MCC: variants seen among roughly 807,000 people sequenced by gnomAD.
The protein encoded by MCC is colorectal mutant cancer protein.
In MCC, 90 loss-of-function variants were observed where a neutral mutation model predicts 116.2. The ratio of observed to expected loss-of-function variants is 0.77; its 90% CI spans 0.65 to 0.92. The LOEUF (loss-of-function observed/expected upper bound fraction) is 0.92. MCC is among the 40% of genes least tolerant of loss of function. The pLI is 0.00. For synonymous variants in MCC, 578 were observed against 510.5 expected (o/e 1.13, Z -1.78); for missense variants, 1,516 against 1,312.2 (o/e 1.16, Z -2.40).
intron 3 of MCC, among the ~76,000 whole-genome samples, chr5:113,198,954 A>G (rs1299939218): frequency 6.6e-6 from 1 of 152,056 alleles, no homozygotes; most frequent in Non-Finnish European, 1.5e-5. Flanking sequence ...TAATCTCAGC[A>G]CTTTGGGAGG....
chr5:113,408,388 C>T (rs1464453576), intron 1 of MCC, among the ~76,000 whole-genome samples: 3 of 152,072 alleles, frequency 2.0e-5, no homozygotes, highest in Admixed American at 1.3e-4. Flanking sequence ...GGATCAAATA[C>T]GAGATCTTTT....
chr5:113,031,694 C>G (rs1160730397), intron 17 of MCC, among the ~76,000 whole-genome samples: 1 of 152,158 alleles, frequency 6.6e-6, no homozygotes, highest in Non-Finnish European at 1.5e-5. Flanking sequence ...CTCCCCCACT[C>G]CTATCCACAC....
intron 3 of MCC, among the ~76,000 whole-genome samples, chr5:113,257,115 T>C (rs1765037423): frequency 6.6e-6 from 1 of 152,102 alleles, no homozygotes; most frequent in African/African-American, 2.4e-5. Context: ...TAGCAGAAGT[T>C]TGTGGTATTG....
intron 3 of MCC, among the ~76,000 whole-genome samples, chr5:113,256,038 T>C (rs183240001): frequency 6.6e-6 from 1 of 152,328 alleles, no homozygotes; most frequent in East Asian, 1.9e-4. Flanking sequence ...CAAAATAATA[T>C]TTGCTTTGAA....
chr5:113,412,317 T>C (rs1168275591), intron 1 of MCC, among the ~76,000 whole-genome samples: 1 of 152,194 alleles, frequency 6.6e-6, no homozygotes, highest in Non-Finnish European at 1.5e-5. Context: ...AGAAAGTCAT[T>C]GGTAGCTTGA....
At chr5:113,123,692 T>G (rs1469191688) in intron 5 of MCC, among the ~76,000 whole-genome samples, 2 of 152,132 alleles carry the variant, frequency 1.3e-5, no homozygotes, top group Admixed American at 1.3e-4. Flanking sequence ...TCACCACACA[T>G]ACACTGGACA....
At chr5:113,313,001 A>G (rs964065972) in intron 3 of MCC, among the ~76,000 whole-genome samples, 1 of 152,264 alleles carries the variant, frequency 6.6e-6, no homozygotes, top group African/African-American at 2.4e-5. Context: ...GAGACACACA[A>G]AAAACAGACT....
chr5:113,256,366 T>C (rs1024792835), intron 3 of MCC, among the ~76,000 whole-genome samples: 1 of 152,042 alleles, frequency 6.6e-6, no homozygotes, highest in Non-Finnish European at 1.5e-5. Flanking sequence ...AAAAAGAAAA[T>C]ACCTGCCCTC....
intron 3 of MCC, among the ~76,000 whole-genome samples, chr5:113,326,283 T>C (rs906218527): frequency 2.6e-5 from 4 of 152,198 alleles, no homozygotes; most frequent in Non-Finnish European, 5.9e-5. Context: ...ATACTATTTA[T>C]GTATCATTTG....
intron 16 of MCC, among the ~76,000 whole-genome samples, chr5:113,047,190 C>T (rs1193892762): frequency 6.6e-6 from 1 of 152,208 alleles, no homozygotes; most frequent in Non-Finnish European, 1.5e-5. Flanking sequence ...AATTCAGCCT[C>T]GCACTGGGGA....
intron 3 of MCC, among the ~76,000 whole-genome samples, chr5:113,195,218 G>T (rs1762338206): frequency 6.6e-6 from 1 of 152,228 alleles, no homozygotes; most frequent in Non-Finnish European, 1.5e-5. Flanking sequence ...TGCTGCAACA[G>T]CAGCATTCTC....
At chr5:113,331,140 G>A (rs897670441) in intron 3 of MCC, among the ~76,000 whole-genome samples, 3 of 152,042 alleles carry the variant, frequency 2.0e-5, no homozygotes, top group African/African-American at 7.3e-5. Context: ...ACTGTGGAGA[G>A]GTTCTGGGTT....
At chr5:113,257,325 G>A (rs1437102106) in intron 3 of MCC, among the ~76,000 whole-genome samples, 1 of 152,012 alleles carries the variant, frequency 6.6e-6, no homozygotes, top group African/African-American at 2.4e-5. Context: ...GAGAGTACAA[G>A]GAAATCAGGA....
At chr5:113,307,343 T>C (rs937830472) in intron 3 of MCC, among the ~76,000 whole-genome samples, 4 of 152,238 alleles carry the variant, frequency 2.6e-5, no homozygotes, top group Non-Finnish European at 5.9e-5. Context: ...TTTGTAGTTT[T>C]CCATGTATAA....
At chr5:113,202,804 AC>A (rs1335787917) in intron 3 of MCC, among the ~76,000 whole-genome samples, 2 of 149,672 alleles carry the variant, frequency 1.3e-5, no homozygotes, top group African/African-American at 4.9e-5. Context: ...AAAAAAAAAA[AC>A]TTTTTCTAGG....
chr5:113,161,287 A>T (rs1760467667), intron 3 of MCC, among the ~76,000 whole-genome samples: 1 of 152,212 alleles, frequency 6.6e-6, no homozygotes, highest in Admixed American at 6.5e-5. Context: ...CCAGCTAATC[A>T]GGGGACATGA....
chr5:113,029,472 C>A (rs1750810804), intron 17 of MCC, among the ~76,000 whole-genome samples: 1 of 151,868 alleles, frequency 6.6e-6, no homozygotes, highest in South Asian at 2.1e-4. Flanking sequence ...GGTTTAGCAA[C>A]CTACCTTGAA....
chr5:113,247,206 G>T (rs1161425926), intron 3 of MCC, among the ~76,000 whole-genome samples: 1 of 152,208 alleles, frequency 6.6e-6, no homozygotes, highest in Non-Finnish European at 1.5e-5. Context: ...AATCCTACAG[G>T]AATCCAGAAG....
At chr5:113,043,835 A>C (rs965460919) in intron 16 of MCC, among the ~76,000 whole-genome samples, 2 of 152,242 alleles carry the variant, frequency 1.3e-5, no homozygotes, top group African/African-American at 2.4e-5. Context: ...CCTTTTGCAG[A>C]CTGGCCAGTG....
Sources: allele counts gnomAD v4.1 joint callset (sites outside exome capture counted in the v4.1 genomes callset), GRCh38; gene constraint gnomAD v4.1.1; transcripts MANE v1.5; gene names NCBI Gene and HGNC (gene_info 2026-07-23, HGNC 2026-07-21).